SMCHD1: variants seen among roughly 807,000 people sequenced by gnomAD.
SMCHD1 encodes structural maintenance of chromosomes flexible hinge domain containing 1.
In SMCHD1, 78 loss-of-function variants were observed where a neutral mutation model predicts 254.7. The observed-to-expected ratio is 0.31, with a 90% CI of 0.26 to 0.37. The LOEUF (loss-of-function observed/expected upper bound fraction) is 0.37, where lower values mean the gene tolerates loss of function less well. SMCHD1 is among the 10% of genes least tolerant of loss of function. SMCHD1 has a pLI of 1.00. For synonymous variants in SMCHD1, 766 were observed against 794.9 expected (o/e 0.96, Z 0.61); for missense variants, 1,840 against 2,408.1 (o/e 0.76, Z 4.94).
intron 1 of SMCHD1, 117 bp downstream of exon 1, chr18:2,656,378 C>G: frequency 2.1e-6 from 2 of 975,436 alleles, no homozygotes; most frequent in Non-Finnish European, 2.7e-6. Flanking sequence ...GTCCTGCGGC[C>G]TTGGCTTCCC....
Position 2,713,481 on chromosome 18 carries a change from A to T in SMCHD1, c.2261-4677A>T, listed in dbSNP as rs1023015821. 2.6e-5 allele frequency among the ~76,000 whole-genome samples: 4 copies of T among 152,162 alleles called. No homozygotes were observed. In the East Asian group the frequency reaches 7.7e-4, roughly 29 times the overall value. On this transcript the variant is annotated intron_variant, in intron 17 of 47. Transcript: ENST00000320876. ...AGGCATGCTTTCTTTAAGATACATC[A>T]TAAACTGGTCTGGCCAACATGGTGA...
At chr18:2,694,041 G>A (rs1019395220) in intron 7 of SMCHD1, among the ~76,000 whole-genome samples, 1 of 152,154 alleles carries the variant, frequency 6.6e-6, no homozygotes, top group Non-Finnish European at 1.5e-5. Context: ...TCTGAAAGTG[G>A]GTTGGTGTCC....
intron 17 of SMCHD1, among the ~76,000 whole-genome samples, chr18:2,708,913 AT>A (rs2074597231): frequency 5.5e-5 from 2 of 36,266 alleles, no homozygotes; most frequent in Admixed American, 3.2e-4. Context: ...TATATAACAT[AT>A]TAACATGAAA....
chr18:2,677,390 A>G (rs2143865332), intron 5 of SMCHD1, among the ~76,000 whole-genome samples: 1 of 152,340 alleles, frequency 6.6e-6, no homozygotes. Flanking sequence ...CACATATTAT[A>G]CAGTTAATTG....
intron 37 of SMCHD1, among the ~76,000 whole-genome samples, chr18:2,766,370 A>G (rs1430616656): frequency 2.0e-5 from 3 of 152,248 alleles, no homozygotes; most frequent in African/African-American, 7.2e-5. Context: ...GATTCAGACA[A>G]GAGATTTAGC....
intron 1 of SMCHD1, 67 bp from the exon 2 acceptor site, chr18:2,666,090 T>G (rs1192244675): frequency 2.5e-5 from 18 of 723,242 alleles, no homozygotes; most frequent in Admixed American, 5.8e-5. Flanking sequence ...TTTCATATTT[T>G]TATAAATTTG....
At position 2,674,029 on chromosome 18, in the gene SMCHD1, A is replaced by T; in HGVS notation, c.522A>T (p.Thr174=). The T allele has an allele frequency of 6.3e-7, 1 of 1,587,130 alleles. No homozygotes were observed. Among genetic ancestry groups the T allele is most frequent in the East Asian group, 2.2e-5 (1 of 44,586 alleles). The change falls in exon 5 of 48, where the codon ACA becomes ACT. Residue 174 remains threonine, a synonymous_variant. Transcript: ENST00000320876. ...TTGTTTCATAGCTTTTTGATGAAACACAAGGAAAACCTGCTGTTGCAGTGA... is the reference window on the plus strand; with the variant it reads ...TTGTTTCATAGCTTTTTGATGAAACTCAAGGAAAACCTGCTGTTGCAGTGA... ...RIQIKLLFDE[T]QGKPAVAVID... is the part of the protein sequence containing the mutation.
intron 29 of SMCHD1, 57 bp downstream of exon 29, chr18:2,743,985 C>A: frequency 7.3e-7 from 1 of 1,366,776 alleles, no homozygotes; most frequent in Non-Finnish European, 9.9e-7. Flanking sequence ...TTATTACTTT[C>A]AGATTGTCAG....
intron 29 of SMCHD1, among the ~76,000 whole-genome samples, chr18:2,744,170 C>T (rs1281507762): frequency 6.6e-6 from 1 of 152,084 alleles, no homozygotes; most frequent in African/African-American, 2.4e-5. Flanking sequence ...AACTACATTA[C>T]AGAGGATTTC....
At position 2,796,403 on chromosome 18, in the gene SMCHD1, A is replaced by G; in HGVS notation, c.5879-4A>G. 1.9e-6 allele frequency: 3 copies of G among 1,538,498 alleles called. No homozygotes were observed. Among genetic ancestry groups the G allele is most frequent in the Non-Finnish European group, 2.6e-6 (3 of 1,134,940 alleles). On this transcript the variant is annotated splice_polypyrimidine_tract_variant and splice_region_variant and intron_variant, in intron 46 of 47. Coordinates refer to ENST00000320876, the MANE Select transcript of SMCHD1 (RefSeq NM_015295.3). ...TTAACTTTCTACATTTTCCATCTTC[A>G]CAGGTATGACTCCCATACGTAAGTG... is the stretch of plus-strand genomic sequence containing the variant.
intron 45 of SMCHD1, among the ~76,000 whole-genome samples, chr18:2,795,155 G>A (rs1327584752): frequency 4.6e-5 from 7 of 152,020 alleles, no homozygotes; most frequent in African/African-American, 1.7e-4. Context: ...CCGGGTTCAC[G>A]CCATTCTCCT....
rs1393598519 is a variant in SMCHD1, at chr18:2,777,870, C to T, written c.5431C>T (p.Arg1811Ter). 1 of 1,550,844 alleles carries T rather than the reference C, an allele frequency of 6.4e-7. No individual in the cohort carries two copies. The highest frequency in any genetic ancestry group is 8.7e-7 in the Non-Finnish European group (1 of 1,145,792). Residue 1811 changes from arginine to a stop codon, truncating the protein, a stop_gained, in exon 43 of 48, where the codon CGA becomes TGA. Transcript: ENST00000320876. LOFTEE classifies it high-confidence loss of function. ...FKPIGDPVFA[R>*]DLLTFPDNVE... ...ACCCATTGGAGATCCAGTCTTTGCT[C>T]GAGACTTGTTAACATTTCCAGATAA...
intron 46 of SMCHD1, 43 bp from the exon 47 acceptor site, chr18:2,796,364 T>C: frequency 8.0e-7 from 1 of 1,247,610 alleles, no homozygotes; most frequent in South Asian, 1.4e-5. Flanking sequence ...AATTCCATTG[T>C]TTTTATTGTA....
At chr18:2,664,766 A>G (rs191909985) in intron 1 of SMCHD1, among the ~76,000 whole-genome samples, 9 of 152,288 alleles carry the variant, frequency 5.9e-5, no homozygotes, top group Non-Finnish European at 8.8e-5. Context: ...GGAAGTTTTG[A>G]TCTGACTTGC....
chr18:2,740,601 A>G, intron 27 of SMCHD1, 102 bp from the exon 28 acceptor site: 2 of 490,258 alleles, frequency 4.1e-6, no homozygotes, highest in East Asian at 3.5e-5. Context: ...ACTCAGTAAG[A>G]GAACAAAGAG....
At chr18:2,688,823 A>T in intron 7 of SMCHD1, 76 bp downstream of exon 7, 3 of 936,824 alleles carry the variant, frequency 3.2e-6, no homozygotes, top group African/African-American at 1.6e-5. Flanking sequence ...ACTTGAAAGT[A>T]TGAAATTTTC....
At chr18:2,748,635 T>C (rs2075515019) in intron 30 of SMCHD1, among the ~76,000 whole-genome samples, 1 of 151,928 alleles carries the variant, frequency 6.6e-6, no homozygotes, top group South Asian at 2.1e-4. Context: ...CCGCGGGTGA[T>C]CCACCCGCCT....
intron 14 of SMCHD1, 30 bp downstream of exon 14, chr18:2,705,837 A>C: frequency 7.6e-7 from 1 of 1,308,606 alleles, no homozygotes. Flanking sequence ...AACATACTGA[A>C]AGTTTCTTGA....
chr18:2,673,209 C>T, intron 3 of SMCHD1, 72 bp from the exon 4 acceptor site: 2 of 1,465,604 alleles, frequency 1.4e-6, no homozygotes, highest in South Asian at 2.8e-5. Context: ...TTGATAGTTT[C>T]TTCTTCTTTG....
Sources: gnomAD v4.1 joint callset for allele counts (sites outside exome capture counted in the v4.1 genomes callset) on GRCh38, gnomAD v4.1.1 for gene constraint, MANE v1.5 for transcripts, NCBI Gene and HGNC (gene_info 2026-07-23, HGNC 2026-07-21) for gene names.